TTC28: variants seen among roughly 807,000 people sequenced by gnomAD.
TTC28 encodes tetratricopeptide repeat protein 28.
A neutral mutation model predicts 198.0 loss-of-function variants in TTC28; 61 were observed. The ratio of observed to expected loss-of-function variants is 0.31; its 90% CI spans 0.25 to 0.38. TTC28 has a LOEUF of 0.38. Ranked by LOEUF, TTC28 falls within the 10% of genes least tolerant of loss-of-function variation. The pLI is 1.00. For synonymous variants in TTC28, 1,171 were observed against 1,297.8 expected (o/e 0.90, Z 2.10); for missense variants, 2,678 against 3,164.0 (o/e 0.85, Z 3.69).
chr22:28,425,963 C>T (rs969152222), intron 2 of TTC28, among the ~76,000 whole-genome samples: 2 of 152,176 alleles, frequency 1.3e-5, no homozygotes, highest in African/African-American at 4.8e-5. Context: ...GTAACCCCAG[C>T]ACTCTGAGAG....
chr22:28,545,274 A>C (rs1034302487), intron 2 of TTC28, among the ~76,000 whole-genome samples: 5 of 152,178 alleles, frequency 3.3e-5, no homozygotes, highest in African/African-American at 1.2e-4. Context: ...CAAATTTTAA[A>C]AACTAATAGA....
At chr22:28,312,846 A>C (rs1012175549) in intron 2 of TTC28, among the ~76,000 whole-genome samples, 2 of 152,218 alleles carry the variant, frequency 1.3e-5, no homozygotes, top group African/African-American at 4.8e-5. Flanking sequence ...GCAGAAGGCA[A>C]GAAATAACTA....
At chr22:28,371,875 C>A (rs1209715346) in intron 2 of TTC28, among the ~76,000 whole-genome samples, 2 of 28,246 alleles carry the variant, frequency 7.1e-5, no homozygotes, top group Admixed American at 4.8e-4. Flanking sequence ...CCACTGCACC[C>A]AGCCCCAAAA....
At chr22:28,231,719 T>C (rs1286289377) in intron 5 of TTC28, among the ~76,000 whole-genome samples, 1 of 152,224 alleles carries the variant, frequency 6.6e-6, no homozygotes, top group Non-Finnish European at 1.5e-5. Flanking sequence ...TGAAAATAAA[T>C]GTCCTGGAAG....
Position 28,656,952 on chromosome 22 carries a change from T to C in TTC28, c.102+22670A>G, listed in dbSNP as rs2051667901. Among the ~76,000 whole-genome samples the C allele has an allele frequency of 2.0e-5, 3 of 152,186 alleles. 1 individual carries two copies. The South Asian group carries it at 6.2e-4, about 32-fold the overall frequency. ...ACAGTATCTAACATTTATTTAACCT[T>C]ACTTCATGCCCAGAACTGTTTAAAT... On this transcript the variant is annotated intron_variant, in intron 1 of 22. Transcript: ENST00000397906.
chr22:28,619,150 A>G lies in TTC28; in HGVS notation c.381+10402T>C, dbSNP rs907297704. 2.5e-4 allele frequency among the ~76,000 whole-genome samples: 38 copies of G among 152,208 alleles called. 1 individual carries two copies. The highest frequency in any genetic ancestry group is 7.3e-5 in the Non-Finnish European group (5 of 68,030). ...AAAAAGAACTGGATAGTTTTACTAA[A>G]AAGCATGTATATATAAATACAGAGT... On this transcript the variant is annotated intron_variant, in intron 2 of 22. Transcript: ENST00000397906.
At chr22:28,453,290 A>G (rs886416836) in intron 2 of TTC28, among the ~76,000 whole-genome samples, 1 of 152,182 alleles carries the variant, frequency 6.6e-6, no homozygotes, top group African/African-American at 2.4e-5. Context: ...TTAAAACACA[A>G]ATTTTTCTTG....
intron 2 of TTC28, among the ~76,000 whole-genome samples, chr22:28,504,140 T>C (rs942096018): frequency 1.3e-5 from 2 of 152,180 alleles, no homozygotes; most frequent in Non-Finnish European, 2.9e-5. Context: ...ATCATGAATA[T>C]GGTAAAGGAA....
chr22:28,525,354 A>G (rs149557861), intron 2 of TTC28, among the ~76,000 whole-genome samples: 141 of 152,230 alleles, frequency 9.3e-4, no homozygotes, highest in African/African-American at 3.0e-3. Context: ...GGTTTTCACC[A>G]TGTCGCCCAG....
intron 5 of TTC28, among the ~76,000 whole-genome samples, chr22:28,186,285 G>A (rs73427747): frequency 0.1 from 15,317 of 152,138 alleles, 1,500 homozygotes; most frequent in African/African-American, 0.26. Context: ...AGAAAGAGAT[G>A]CATGTTATTT....
chr22:28,453,465 C>T (rs1012820389), intron 2 of TTC28, among the ~76,000 whole-genome samples: 3 of 152,160 alleles, frequency 2.0e-5, no homozygotes, highest in African/African-American at 4.8e-5. Context: ...TAACTGCCTA[C>T]CCAACATCTC....
Position 28,416,545 on chromosome 22 carries a change from CTTGTTG to C in TTC28, c.382-109908_382-109903del, listed in dbSNP as rs531387414. Among the ~76,000 whole-genome samples the C allele has an allele frequency of 2.9e-3, 438 of 152,166 alleles. 2 individuals are homozygous for C. The highest frequency in any genetic ancestry group is 9.8e-3 in the African/African-American group (405 of 41,528). On this transcript the variant is annotated intron_variant, in intron 2 of 22. Coordinates refer to ENST00000397906, the MANE Select transcript of TTC28 (RefSeq NM_001145418.2). Reference sequence around the variant, plus strand: ...AGATTTACCAGGCTGTAAAATGGAACTTGTTGTTGTTGTTGTTGTTCTCCTAGAAAT... The same window carrying C: ...AGATTTACCAGGCTGTAAAATGGAACTTGTTGTTGTTGTTCTCCTAGAAAT...
chr22:28,053,180 C>T (rs1161348206), intron 12 of TTC28, among the ~76,000 whole-genome samples: 1 of 152,232 alleles, frequency 6.6e-6, no homozygotes, highest in Non-Finnish European at 1.5e-5. Flanking sequence ...GCCTTGAAAA[C>T]CAGTCCTTAG....
rs1569094581 is a variant in TTC28 at position 28,032,175 on chromosome 22, T to TATATATATATATATATAAA, written c.3933-1810_3933-1809insTTTATATATATATATATAT. On this transcript the variant is annotated intron_variant, in intron 12 of 22. Coordinates refer to ENST00000397906, the MANE Select transcript of TTC28 (RefSeq NM_001145418.2). ...TATATCTACTTAGTGTGTGTATATA[T>TATATATATATATATATAAA]ATATATATATATAAAATATATATAT... Among the ~76,000 whole-genome samples the TATATATATATATATATAAA allele has an allele frequency of 4.0e-4, 32 of 79,084 alleles. 1 individual carries two copies. Among genetic ancestry groups the TATATATATATATATATAAA allele is most frequent in the African/African-American group, 1.5e-3 (26 of 16,978 alleles). 51.9% of individuals were successfully genotyped at this position (79,084 alleles called of 152,430 possible).
At chr22:28,623,861 G>A (rs1230399275) in intron 2 of TTC28, among the ~76,000 whole-genome samples, 1 of 151,934 alleles carries the variant, frequency 6.6e-6, no homozygotes, top group Non-Finnish European at 1.5e-5. Context: ...TAAAATACAT[G>A]TCAAAATTTG....
chr22:28,670,472 T>C (rs562982025), intron 1 of TTC28, among the ~76,000 whole-genome samples: 2 of 152,170 alleles, frequency 1.3e-5, no homozygotes, highest in Non-Finnish European at 2.9e-5. Flanking sequence ...CCGCTTAGAA[T>C]GTTTTCAAGG....
At position 28,391,353 on chromosome 22, in the gene TTC28, G is replaced by A. The variant is rs2046716547; in HGVS notation, c.382-84710C>T. Among the ~76,000 whole-genome samples, 3 of 152,176 alleles carry A rather than the reference G, an allele frequency of 2.0e-5. No individual in the cohort carries two copies. The South Asian group carries it at 6.2e-4, about 32-fold the overall frequency. ...GCTCTTCTCGAGGAGTATCTTTGTG[G>A]CGTTCTCTGTATTTCCTGAATCTGA... On this transcript the variant is annotated intron_variant, in intron 2 of 22. Transcript: ENST00000397906.
intron 2 of TTC28, among the ~76,000 whole-genome samples, chr22:28,340,965 C>G (rs1448359532): frequency 6.6e-6 from 1 of 152,140 alleles, no homozygotes; most frequent in East Asian, 1.9e-4. Flanking sequence ...TAAAGATACC[C>G]TGAAATACCA....
At chr22:28,499,773 T>C (rs1245298063) in intron 2 of TTC28, among the ~76,000 whole-genome samples, 1 of 152,196 alleles carries the variant, frequency 6.6e-6, no homozygotes, top group Admixed American at 6.5e-5. Context: ...AACACTATAA[T>C]TTTTAATCTT....
Sources: allele counts gnomAD v4.1 joint callset (sites outside exome capture counted in the v4.1 genomes callset), GRCh38; gene constraint gnomAD v4.1.1; transcripts MANE v1.5; gene names NCBI Gene and HGNC (gene_info 2026-07-23, HGNC 2026-07-21).